CDS2: variants seen among roughly 807,000 people sequenced by gnomAD.
The protein encoded by CDS2 is CDP-diacylglycerol synthase 2.
In CDS2, 47 loss-of-function variants were observed where a neutral mutation model predicts 59.0. The ratio of observed to expected loss-of-function variants is 0.80; its 90% CI spans 0.63 to 1.02. CDS2 has a LOEUF of 1.02. Among genes scored for constraint, CDS2 ranks in the 50% least tolerant of loss-of-function variants. The pLI, the probability that CDS2 is intolerant of heterozygous loss-of-function variation, is 0.00. For missense variants in CDS2, 356 were observed against 558.9 expected, an observed-to-expected ratio of 0.64 and a Z score of 3.66; for synonymous variants, 207 against 206.4, an observed-to-expected ratio of 1.00 and a Z score of -0.02.
At chr20:5,144,199 C>A (rs890158082) in intron 1 of CDS2, among the ~76,000 whole-genome samples, 6 of 152,178 alleles carry the variant, frequency 3.9e-5, no homozygotes, top group Non-Finnish European at 5.9e-5. Flanking sequence ...TTAATTTCTT[C>A]TGTAGATATA....
chr20:5,175,508 TA>T, intron 3 of CDS2: 1 of 424,376 alleles, frequency 2.4e-6, no homozygotes, highest in South Asian at 2.4e-5. Context: ...TCTTTTCTTT[TA>T]AAAAACTGAC....
At chr20:5,178,738 C>G (rs2123050243) in intron 4 of CDS2, 79 bp from the exon 5 acceptor site, 5 of 1,499,264 alleles carry the variant, frequency 3.3e-6, no homozygotes, top group Middle Eastern at 1.8e-4. Context: ...TGCCCTCTGT[C>G]CCTTCCTCTG....
chr20:5,132,873 A>G (rs1343552278), intron 1 of CDS2, among the ~76,000 whole-genome samples: 2 of 152,110 alleles, frequency 1.3e-5, no homozygotes, highest in South Asian at 2.1e-4. Flanking sequence ...ATGGTATTTC[A>G]TTAGAAGAAT....
rs2091151077 is a variant in CDS2 at position 5,195,562 on chromosome 20, T to C, written c.*5328T>C. 6.6e-6 allele frequency: 1 copy of C among 152,576 alleles called. No homozygotes were observed. 9.5% of individuals were successfully genotyped at this position (152,576 alleles called of 1,614,324 possible). The stretch of plus-strand genomic sequence containing the variant: ...CAGGGAGGGCCTGTCTGTGACTCGC[T>C]CTGGACCCCACTTCCCGCTCTGGCC... On this transcript the variant is annotated 3_prime_UTR_variant, in exon 13 of 13. Coordinates refer to ENST00000460006, the MANE Select transcript of CDS2 (RefSeq NM_003818.4).
At chr20:5,132,694 G>A (rs1183542209) in intron 1 of CDS2, among the ~76,000 whole-genome samples, 1 of 151,990 alleles carries the variant, frequency 6.6e-6, no homozygotes, top group East Asian at 1.9e-4. Flanking sequence ...GGGAGAGGAG[G>A]TGAAAGATTA....
intron 1 of CDS2, among the ~76,000 whole-genome samples, chr20:5,148,371 T>C (rs2090760835): frequency 6.6e-6 from 1 of 152,146 alleles, no homozygotes; most frequent in East Asian, 1.9e-4. Context: ...AATGGGTCAC[T>C]AATGCAGTTT....
chr20:5,134,523 A>G (rs1301392229), intron 1 of CDS2, among the ~76,000 whole-genome samples: 2 of 152,020 alleles, frequency 1.3e-5, no homozygotes, highest in African/African-American at 4.8e-5. Context: ...ATTTTTATTT[A>G]TCTATTTATT....
At chr20:5,161,710 C>T (rs1456113541) in intron 1 of CDS2, among the ~76,000 whole-genome samples, 1 of 152,174 alleles carries the variant, frequency 6.6e-6, no homozygotes, top group Non-Finnish European at 1.5e-5. Context: ...GACATAAAAC[C>T]AGTTTCTCCT....
At chr20:5,173,701 C>G (rs115625273) in intron 2 of CDS2, 42 bp downstream of exon 2, 1 of 1,609,280 alleles carries the variant, frequency 6.2e-7, no homozygotes. Context: ...GGGGGCTTTG[C>G]ACCATGTCCA....
chr20:5,175,080 C>A (rs1900266160), intron 2 of CDS2, 103 bp from the exon 3 acceptor site: 8 of 838,100 alleles, frequency 9.5e-6, no homozygotes, highest in Non-Finnish European at 1.4e-5. Context: ...GGACTGAGCT[C>A]AGGGCCCTCA....
chr20:5,176,810 C>T, intron 4 of CDS2, 65 bp downstream of exon 4: 4 of 1,096,450 alleles, frequency 3.6e-6, no homozygotes, highest in Middle Eastern at 2.3e-4. Context: ...CAGGTACTTA[C>T]AGTGACGGTG....
intron 1 of CDS2, among the ~76,000 whole-genome samples, chr20:5,135,451 TG>T (rs2090642113): frequency 6.7e-6 from 1 of 149,644 alleles, no homozygotes; most frequent in South Asian, 2.1e-4. Flanking sequence ...TACAGCTGTT[TG>T]TGTGTCATAC....
At position 5,185,902 on chromosome 20, in the gene CDS2, G is replaced by C. The variant is rs142158863; in HGVS notation, c.828+76G>C. 1,420 of 1,376,120 alleles carry C rather than the reference G, an allele frequency of 1.0e-3. 9 individuals carry two copies. The African/African-American group carries it at 0.017, about 17-fold the overall frequency. 85.2% of individuals were successfully genotyped at this position (1,376,120 alleles called of 1,614,324 possible). ...TACCACCTTCCAAGGCCTGTCCAGA[G>C]CTGGAGAGTGTCTTTGGAGGCCAGG... On this transcript the variant is annotated intron_variant, in intron 9 of 12. Coordinates refer to ENST00000460006, the MANE Select transcript of CDS2 (RefSeq NM_003818.4).
chr20:5,127,238 T>C lies in CDS2; in HGVS notation c.57+89T>C. On this transcript the variant is annotated intron_variant, in intron 1 of 12. Coordinates refer to ENST00000460006, the MANE Select transcript of CDS2 (RefSeq NM_003818.4). ...CGCGCGCAGAGGGGTCGTCTTGTTC[T>C]CTGACCCTTTGTCGCAGCCGACGGC... is the stretch of plus-strand genomic sequence containing the variant. The C allele has an allele frequency of 6.8e-6, 8 of 1,178,622 alleles. No homozygotes were observed. The South Asian group carries it at 1.4e-4, about 21-fold the overall frequency. 73.0% of individuals were successfully genotyped at this position (1,178,622 alleles called of 1,614,324 possible). A position where few individuals can be genotyped will look rare whatever the true frequency, so the allele number is the denominator to read the frequency against.
At chr20:5,155,332 T>C (rs1231572312) in intron 1 of CDS2, among the ~76,000 whole-genome samples, 2 of 152,242 alleles carry the variant, frequency 1.3e-5, no homozygotes, top group Non-Finnish European at 2.9e-5. Context: ...CGGATTTCAT[T>C]CTTTTTAAAA....
chr20:5,174,474 C>T (rs181715889), intron 2 of CDS2, among the ~76,000 whole-genome samples: 3 of 152,254 alleles, frequency 2.0e-5, no homozygotes, highest in East Asian at 1.9e-4. Flanking sequence ...TGGTGGCTCA[C>T]GCCTGTAATT....
rs2091105120 is a variant in CDS2 at position 5,190,389 on chromosome 20, A to G, written c.*155A>G. ...TATTTTTTATTTGTGGGTTCAAAAA[A>G]TCTGTATATACAGTCTATGTGTTTA... On this transcript the variant is annotated 3_prime_UTR_variant, in exon 13 of 13. Transcript: ENST00000460006. 2 of 672,866 alleles carry G rather than the reference A, an allele frequency of 3.0e-6. No homozygotes were observed. The highest frequency in any genetic ancestry group is 5.5e-5 in the East Asian group (2 of 36,102). The allele number at this position is 672,866 out of a possible 1,614,324, so 41.7% of individuals were successfully genotyped here.
chr20:5,135,173 C>T (rs2122952386), intron 1 of CDS2, among the ~76,000 whole-genome samples: 1 of 152,292 alleles, frequency 6.6e-6, no homozygotes, highest in Admixed American at 6.5e-5. Flanking sequence ...TTCAAGCGAT[C>T]TTCTCGCCTC....
chr20:5,170,337 C>T (rs1309978251), intron 1 of CDS2, among the ~76,000 whole-genome samples: 1 of 152,204 alleles, frequency 6.6e-6, no homozygotes, highest in Non-Finnish European at 1.5e-5. Context: ...TGCCTGCTTC[C>T]AGACCCTCTG....
Sources: gnomAD v4.1 joint callset for allele counts (sites outside exome capture counted in the v4.1 genomes callset) on GRCh38, gnomAD v4.1.1 for gene constraint, MANE v1.5 for transcripts, NCBI Gene and HGNC (gene_info 2026-07-23, HGNC 2026-07-21) for gene names.